Variants in UNC5C observed in about 807,000 individuals in gnomAD.
UNC5C encodes netrin receptor UNC5C.
UNC5C carries 47 observed loss-of-function variants against 99.8 expected under a neutral mutation model. The ratio of observed to expected loss-of-function variants is 0.47; its 90% confidence interval spans 0.37 to 0.60. The LOEUF is 0.60. UNC5C is among the 20% of genes least tolerant of loss of function. UNC5C has a pLI of 0.00. For synonymous variants in UNC5C, 487 were observed against 452.2 expected (o/e 1.08, Z -0.98); for missense variants, 1,062 against 1,165.9 (o/e 0.91, Z 1.30).
At chr4:95,227,186 G>A (rs1299159911) in intron 7 of UNC5C, among the ~76,000 whole-genome samples, 1 of 149,574 alleles carries the variant, frequency 6.7e-6, no homozygotes, top group Admixed American at 6.7e-5. Flanking sequence ...GTCTTGCTCT[G>A]TCATGCTGGC....
At position 95,250,156 on chromosome 4, in the gene UNC5C, C is replaced by G. The variant is rs181557744; in HGVS notation, c.775+331G>C. Among the ~76,000 whole-genome samples, 26 of 152,114 alleles carry G rather than the reference C, an allele frequency of 1.7e-4. No individual in the cohort carries two copies. The East Asian group carries it at 5.0e-3, about 29-fold the overall frequency. On this transcript the variant is annotated intron_variant, in intron 5 of 15. Coordinates refer to ENST00000453304, the MANE Select transcript of UNC5C (RefSeq NM_003728.4). ...CTGAGCCTATCCTTTCATATCAGTA[C>G]GAGGAAAGCAATTAAACCTCATTGC... is the stretch of plus-strand genomic sequence containing the variant.
intron 10 of UNC5C, among the ~76,000 whole-genome samples, chr4:95,212,590 T>C (rs1403612888): frequency 6.6e-6 from 1 of 152,126 alleles, no homozygotes; most frequent in Non-Finnish European, 1.5e-5. Flanking sequence ...TAAAGTTCTT[T>C]CCCCAGTTCT....
At chr4:95,212,807 G>T (rs1416402331) in intron 10 of UNC5C, among the ~76,000 whole-genome samples, 1 of 152,080 alleles carries the variant, frequency 6.6e-6, no homozygotes. Flanking sequence ...TGTGTGTTCT[G>T]CCCCTCCTTT....
intron 2 of UNC5C, among the ~76,000 whole-genome samples, chr4:95,329,475 G>A (rs1743028799): frequency 6.6e-6 from 1 of 152,006 alleles, no homozygotes; most frequent in African/African-American, 2.4e-5. Flanking sequence ...ATTTTCAAAT[G>A]GGCCTTCAAA....
chr4:95,232,264 T>TTA (rs1340734892), intron 7 of UNC5C, among the ~76,000 whole-genome samples: 1 of 150,202 alleles, frequency 6.7e-6, no homozygotes, highest in African/African-American at 2.4e-5. Flanking sequence ...GTAAACTATA[T>TTA]TATAAAACAT....
intron 2 of UNC5C, among the ~76,000 whole-genome samples, chr4:95,321,708 T>G (rs1742698193): frequency 6.6e-6 from 1 of 152,218 alleles, no homozygotes; most frequent in Non-Finnish European, 1.5e-5. Flanking sequence ...TAGCATCTAT[T>G]TATTGCACAG....
intron 2 of UNC5C, among the ~76,000 whole-genome samples, chr4:95,311,962 G>A (rs994791869): frequency 1.3e-5 from 2 of 152,044 alleles, no homozygotes; most frequent in Non-Finnish European, 2.9e-5. Flanking sequence ...CAGGAGTATT[G>A]CTTGAGCCTA....
At chr4:95,291,522 A>G (rs572630173) in intron 3 of UNC5C, among the ~76,000 whole-genome samples, 6 of 152,304 alleles carry the variant, frequency 3.9e-5, no homozygotes, top group Admixed American at 3.9e-4. Context: ...AATATGACTT[A>G]TGAGACTGTG....
intron 1 of UNC5C, among the ~76,000 whole-genome samples, chr4:95,423,279 G>A (rs917092361): frequency 6.6e-6 from 1 of 152,172 alleles, no homozygotes; most frequent in Non-Finnish European, 1.5e-5. Context: ...AAAGACAACA[G>A]TGCTTTGGCC....
intron 1 of UNC5C, among the ~76,000 whole-genome samples, chr4:95,399,363 G>A (rs551052519): frequency 1.3e-5 from 2 of 152,178 alleles, no homozygotes; most frequent in Admixed American, 6.5e-5. Context: ...ACATACAAGA[G>A]GCAAGAACCC....
At chr4:95,248,252 C>A in intron 5 of UNC5C, 1 of 257,604 alleles carries the variant, frequency 3.9e-6, no homozygotes. Context: ...ATTGGTGTAA[C>A]ACAAATCAAC....
At position 95,220,317 on chromosome 4, in the gene UNC5C, G is replaced by T. The variant is rs1048991612; in HGVS notation, c.1109-141C>A. 2.1e-4 allele frequency: 183 copies of T among 859,648 alleles called. 1 individual carries two copies. Among genetic ancestry groups the T allele is most frequent in the Admixed American group, 2.9e-4 (9 of 31,174 alleles). The allele number at this position is 859,648 out of a possible 1,614,324, so 53.3% of individuals were successfully genotyped here. ...ATCTATTTCAAAAGCTATATAAAATGGCTGTGGCCTTTCAGTGGAAAATTG... is the reference window on the plus strand; with the variant it reads ...ATCTATTTCAAAAGCTATATAAAATTGCTGTGGCCTTTCAGTGGAAAATTG... On this transcript the variant is annotated intron_variant, in intron 7 of 15. Coordinates refer to ENST00000453304, the MANE Select transcript of UNC5C (RefSeq NM_003728.4).
intron 1 of UNC5C, among the ~76,000 whole-genome samples, chr4:95,500,662 T>C (rs1001667914): frequency 1.3e-5 from 2 of 152,174 alleles, no homozygotes; most frequent in Non-Finnish European, 2.9e-5. Context: ...GCTATTAGTC[T>C]ACTAGGAACA....
Position 95,491,727 on chromosome 4 carries a change from A to G in UNC5C, c.124+57007T>C, listed in dbSNP as rs112556071. Among the ~76,000 whole-genome samples, 642 of 151,720 alleles carry G rather than the reference A, an allele frequency of 4.2e-3. 4 individuals are homozygous for G. The highest frequency in any genetic ancestry group is 0.015 in the African/African-American group (612 of 41,472). The stretch of plus-strand genomic sequence containing the variant: ...ACTATCAATTATAAAGCAATAGTAA[A>G]ATATGTTGTGTTCCAAATAAAATGA... On this transcript the variant is annotated intron_variant, in intron 1 of 15. Coordinates refer to ENST00000453304, the MANE Select transcript of UNC5C (RefSeq NM_003728.4).
At chr4:95,384,493 C>G (rs1200965999) in intron 1 of UNC5C, among the ~76,000 whole-genome samples, 1 of 152,072 alleles carries the variant, frequency 6.6e-6, no homozygotes, top group Non-Finnish European at 1.5e-5. Context: ...CAGGAGGGGG[C>G]TGAGCAGAGC....
chr4:95,414,590 A>G lies in UNC5C; in HGVS notation c.125-78959T>C, dbSNP rs148058591. 5.0e-3 allele frequency among the ~76,000 whole-genome samples: 759 copies of G among 152,350 alleles called. 10 individuals are homozygous for G. The highest frequency in any genetic ancestry group is 0.017 in the African/African-American group (698 of 41,588). ...TGTATTTAACATGAACACAGAGCTT[A>G]TTACTGTGTGGCCACAGGGATGTGA... On this transcript the variant is annotated intron_variant, in intron 1 of 15. Coordinates refer to ENST00000453304, the MANE Select transcript of UNC5C (RefSeq NM_003728.4).
intron 1 of UNC5C, among the ~76,000 whole-genome samples, chr4:95,355,203 T>C (rs1333820424): frequency 6.6e-6 from 1 of 152,146 alleles, no homozygotes; most frequent in Non-Finnish European, 1.5e-5. Flanking sequence ...ATAAAATCTG[T>C]AGATATGGCA....
At chr4:95,418,438 G>A (rs1418637740) in intron 1 of UNC5C, among the ~76,000 whole-genome samples, 1 of 152,112 alleles carries the variant, frequency 6.6e-6, no homozygotes, top group Non-Finnish European at 1.5e-5. Context: ...ACTAAATGTG[G>A]TTAGGAATTT....
intron 1 of UNC5C, among the ~76,000 whole-genome samples, chr4:95,390,569 T>A (rs918596256): frequency 5.3e-5 from 8 of 152,208 alleles, no homozygotes; most frequent in African/African-American, 1.9e-4. Context: ...CCTGGGCCTA[T>A]TTCCTTATTT....
Sources: gnomAD v4.1 joint callset for allele counts (sites outside exome capture counted in the v4.1 genomes callset) on GRCh38, gnomAD v4.1.1 for gene constraint, MANE v1.5 for transcripts, NCBI Gene and HGNC (gene_info 2026-07-23, HGNC 2026-07-21) for gene names.